Variants in PTPN4 observed in about 807,000 individuals in gnomAD.
PTPN4 encodes the protein tyrosine-protein phosphatase non-receptor type 4.
PTPN4 carries 49 observed loss-of-function variants against 135.5 expected under a neutral mutation model. The observed-to-expected ratio is 0.36, with a 90% confidence interval of 0.29 to 0.46. PTPN4 has a LOEUF of 0.46. Among genes scored for constraint, PTPN4 ranks in the 20% least tolerant of loss-of-function variants. PTPN4 has a pLI of 1.00. For missense variants in PTPN4, 860 were observed against 1,101.0 expected (o/e 0.78, Z 3.10); for synonymous variants, 333 against 369.9 (o/e 0.90, Z 1.14).
intron 12 of PTPN4, among the ~76,000 whole-genome samples, chr2:119,924,742 AT>A: frequency 6.6e-6 from 1 of 152,230 alleles, no homozygotes; most frequent in South Asian, 2.1e-4. Flanking sequence ...TTATTATGAA[AT>A]TTAACTTGTT....
chr2:119,878,539 A>G (rs1196600285), intron 5 of PTPN4, among the ~76,000 whole-genome samples: 1 of 152,144 alleles, frequency 6.6e-6, no homozygotes, highest in African/African-American at 2.4e-5. Flanking sequence ...GGAGTAGAGA[A>G]ACAAAAGGAT....
intron 2 of PTPN4, among the ~76,000 whole-genome samples, chr2:119,821,014 T>C (rs950219929): frequency 8.6e-5 from 13 of 151,868 alleles, no homozygotes; most frequent in African/African-American, 3.1e-4. Context: ...TTCAGTATAG[T>C]AGCTCTTCCT....
At position 119,962,714 on chromosome 2, in the gene PTPN4, C is replaced by T; in HGVS notation, c.2379C>T (p.Ile793=). The T allele has an allele frequency of 1.9e-6, 3 of 1,587,532 alleles. No homozygotes were observed. In the Admixed American group the frequency reaches 5.1e-5, roughly 27 times the overall value. Residue 793 remains isoleucine (I), a synonymous_variant, in exon 24 of 27, where the codon ATC becomes ATT. Transcript: ENST00000263708. The part of the protein sequence containing the change: ...CHSEEGNTAY[I]FRKMTLFNQE... Reference sequence around the variant, plus strand: ...CTGAAGAAGGAAACACTGCCTATATCTTCAGGAAGATGACCCTATTTAACC... The same window carrying T: ...CTGAAGAAGGAAACACTGCCTATATTTTCAGGAAGATGACCCTATTTAACC...
intron 2 of PTPN4, among the ~76,000 whole-genome samples, chr2:119,813,994 C>T (rs761926552): frequency 6.6e-6 from 1 of 151,790 alleles, no homozygotes; most frequent in African/African-American, 2.4e-5. Context: ...ATTATTTACC[C>T]AGGTGTGCCA....
intron 2 of PTPN4, among the ~76,000 whole-genome samples, chr2:119,823,424 G>C (rs1202879491): frequency 6.6e-6 from 1 of 152,012 alleles, no homozygotes. Flanking sequence ...TAGCAGAGAT[G>C]GGGTTTCACC....
chr2:119,794,709 CCTT>C (rs1200021649), intron 1 of PTPN4, among the ~76,000 whole-genome samples: 4 of 152,248 alleles, frequency 2.6e-5, no homozygotes, highest in East Asian at 1.9e-4. Context: ...TCTCTTCTGT[CCTT>C]CTTGTCACCT....
chr2:119,930,612 A>G (rs1220939164), intron 13 of PTPN4, among the ~76,000 whole-genome samples: 1 of 152,150 alleles, frequency 6.6e-6, no homozygotes, highest in Non-Finnish European at 1.5e-5. Flanking sequence ...TACTGTACAC[A>G]TAATAACAAT....
intron 2 of PTPN4, among the ~76,000 whole-genome samples, chr2:119,840,785 C>G (rs190906933): frequency 6.6e-6 from 1 of 152,190 alleles, no homozygotes; most frequent in Non-Finnish European, 1.5e-5. Context: ...GCCATTCTGA[C>G]TGGTGTGAGA....
intron 3 of PTPN4, among the ~76,000 whole-genome samples, chr2:119,875,054 T>C (rs574049518): frequency 6.6e-6 from 1 of 152,330 alleles, no homozygotes; most frequent in African/African-American, 2.4e-5. Flanking sequence ...ATGCCATTTG[T>C]AGTTCCTTGA....
At chr2:119,931,009 AAT>A (rs1453995012) in intron 13 of PTPN4, among the ~76,000 whole-genome samples, 1 of 152,082 alleles carries the variant, frequency 6.6e-6, no homozygotes, top group Non-Finnish European at 1.5e-5. Flanking sequence ...TATAACCAAA[AAT>A]AGTCTTCATT....
At chr2:119,912,626 A>G (rs1056734509) in intron 10 of PTPN4, among the ~76,000 whole-genome samples, 2 of 152,188 alleles carry the variant, frequency 1.3e-5, no homozygotes, top group Non-Finnish European at 2.9e-5. Flanking sequence ...AAATTATGGT[A>G]GAGATAAATC....
intron 12 of PTPN4, 81 bp from the exon 13 acceptor site, chr2:119,926,517 C>A: frequency 1.1e-6 from 1 of 919,376 alleles, no homozygotes; most frequent in Non-Finnish European, 1.6e-6. Context: ...TAGGAAGTTA[C>A]ACTATAATCA....
intron 1 of PTPN4, among the ~76,000 whole-genome samples, chr2:119,809,204 A>C (rs1414007918): frequency 6.6e-6 from 1 of 151,780 alleles, no homozygotes; most frequent in Non-Finnish European, 1.5e-5. Flanking sequence ...AGTATCGCTG[A>C]TATCACTGTG....
intron 12 of PTPN4, among the ~76,000 whole-genome samples, chr2:119,922,655 T>G (rs1678755133): frequency 6.6e-6 from 1 of 152,220 alleles, no homozygotes; most frequent in South Asian, 2.1e-4. Context: ...TACGATATCA[T>G]TTTCAGATTT....
intron 10 of PTPN4, among the ~76,000 whole-genome samples, chr2:119,902,887 C>T (rs1236940646): frequency 6.6e-6 from 1 of 152,018 alleles, no homozygotes; most frequent in East Asian, 1.9e-4. Flanking sequence ...AGGGAGTTTG[C>T]ACTCCCTCTA....
intron 1 of PTPN4, among the ~76,000 whole-genome samples, chr2:119,778,405 A>G (rs1387533266): frequency 6.6e-6 from 1 of 152,234 alleles, no homozygotes; most frequent in Non-Finnish European, 1.5e-5. Flanking sequence ...ATCCCTAACT[A>G]GACTGAGCTT....
intron 1 of PTPN4, among the ~76,000 whole-genome samples, chr2:119,764,156 G>A (rs1037199099): frequency 4.6e-5 from 7 of 152,168 alleles, no homozygotes; most frequent in South Asian, 2.1e-4. Flanking sequence ...TTTGAGAAGC[G>A]TATGTATAAA....
Position 119,926,654 on chromosome 2 carries a change from G to A in PTPN4, c.1058G>A (p.Arg353Lys), listed in dbSNP as rs1425461043. The change falls in exon 13 of 27, where the codon AGG becomes AAG. Residue 353 changes from arginine to lysine, a missense_variant. By Grantham distance (26) the Arg-to-Lys change is conservative. This residue lies in a region of PTPN4 where 684 missense variants were observed against 807.0 expected (regional missense o/e 0.85). Coordinates refer to ENST00000263708, the MANE Select transcript of PTPN4 (RefSeq NM_002830.4). ...QYGKEKANKD[R>K]VFARSPSKPL... The stretch of plus-strand genomic sequence containing the variant: ...GGCAAAGAAAAGGCAAATAAAGACA[G>A]GGTATTTGCAAGGTAAGCCAAATCT... 1 of 1,602,952 alleles carries A rather than the reference G, an allele frequency of 6.2e-7. No individual in the cohort carries two copies. The highest frequency in any genetic ancestry group is 8.5e-7 in the Non-Finnish European group (1 of 1,172,766).
At chr2:119,794,017 T>C (rs115966655) in intron 1 of PTPN4, among the ~76,000 whole-genome samples, 2,549 of 151,832 alleles carry the variant, frequency 0.017, 41 homozygotes, top group Non-Finnish European at 0.027. Context: ...CTAATTTTTG[T>C]TTTTTGTTTT....
Sources: gnomAD v4.1 joint callset for allele counts (sites outside exome capture counted in the v4.1 genomes callset) on GRCh38, gnomAD v4.1.1 for gene constraint, gnomAD v4.1.1 regional missense constraint, MANE v1.5 for transcripts, NCBI Gene and HGNC (gene_info 2026-07-23, HGNC 2026-07-21) for gene names.